The following SLC12A4 variants were observed in gnomAD, a reference collection of about 807,000 sequenced individuals.
The protein encoded by SLC12A4 is solute carrier family 12 member 4, also known as electroneutral potassium-chloride cotransporter 1.
SLC12A4 carries 84 observed loss-of-function variants against 119.2 expected under a neutral mutation model. The ratio of observed to expected loss-of-function variants is 0.70; its 90% CI spans 0.59 to 0.85. SLC12A4 has a LOEUF of 0.85. SLC12A4 is among the 40% of genes least tolerant of loss of function. The pLI is 0.00. For missense variants in SLC12A4, 1,298 were observed against 1,476.3 expected (o/e 0.88, Z 1.98); for synonymous variants, 599 against 604.6 (o/e 0.99, Z 0.14).
At chr16:67,968,418 C>T (rs963820494) in intron 1 of SLC12A4, 21 bp downstream of exon 1, 7 of 1,554,562 alleles carry the variant, frequency 4.5e-6, no homozygotes, top group Non-Finnish European at 5.2e-6. Flanking sequence ...CCCGCCACGG[C>T]CCCTCAGAAC....
In SLC12A4 at chr16:67,967,032, C is replaced by G. The variant is rs530072160; in HGVS notation, c.115+1407G>C. Among the ~76,000 whole-genome samples the G allele has an allele frequency of 3.9e-5, 6 of 152,282 alleles. No homozygotes were observed. In the South Asian group the frequency reaches 1.2e-3, roughly 32 times the overall value. ...TACCCTCTGGGGAGAGAGGTCCTCC[C>G]AGGGTTAGGGAAGCAGGAATGCTGG... On this transcript the variant is annotated intron_variant, in intron 1 of 23. Coordinates refer to ENST00000316341, the MANE Select transcript of SLC12A4 (RefSeq NM_005072.5).
rs2030146037 is a variant in SLC12A4 at position 67,954,651 on chromosome 16, T to C, written c.667A>G (p.Ile223Val). 2.5e-6 allele frequency: 4 copies of C among 1,614,094 alleles called. No individual in the cohort carries two copies. In the African/African-American group the frequency reaches 5.3e-5, roughly 22 times the overall value. Residue 223 changes from isoleucine to valine, a missense_variant, in exon 6 of 24, where the codon ATC (isoleucine) becomes GTC (valine). By Grantham distance (29) the Ile-to-Val change is conservative. Coordinates refer to ENST00000316341, the MANE Select transcript of SLC12A4 (RefSeq NM_005072.5). ...GGCTCAGCCTGACTCACCAGCAAGA[T>C]CTCGATGGCCCCCAGGATGTACATG... ...AAMYILGAIE[I>V]LLTYIAPPAA...
Position 67,968,422 on chromosome 16 carries a change from TC to T in SLC12A4, c.115+16del. 1 of 1,558,000 alleles carries T rather than the reference TC, an allele frequency of 6.4e-7. No homozygotes were observed. The highest frequency in any genetic ancestry group is 1.2e-5 in the South Asian group (1 of 86,808). On this transcript the variant is annotated intron_variant, in intron 1 of 23. Coordinates refer to ENST00000316341, the MANE Select transcript of SLC12A4 (RefSeq NM_005072.5). The stretch of plus-strand genomic sequence containing the variant: ...GGCCCCGCTGCCCCGCCACGGCCCC[TC>T]AGAACGCGCCCTCACCGTCCGAGTC...
Position 67,944,146 on chromosome 16 carries a change from C to T in SLC12A4, c.*694G>A. The T allele has an allele frequency of 6.5e-7, 1 of 1,534,686 alleles. No individual in the cohort carries two copies. Among genetic ancestry groups the T allele is most frequent in the Non-Finnish European group, 8.8e-7 (1 of 1,136,246 alleles). On this transcript the variant is annotated 3_prime_UTR_variant, in exon 24 of 24. Coordinates refer to ENST00000316341, the MANE Select transcript of SLC12A4 (RefSeq NM_005072.5). The surrounding 1 kb of genome is among the most constrained non-coding windows in gnomAD (Gnocchi z 6.6). Reference sequence around the variant, plus strand: ...GCCAGAGAAAGCGGCACTGGGCTGTCCTTATCTGGTGTGGGAGTGGGAGGG... The same window carrying T: ...GCCAGAGAAAGCGGCACTGGGCTGTTCTTATCTGGTGTGGGAGTGGGAGGG...
chr16:67,949,825 C>A lies in SLC12A4; in HGVS notation c.1723G>T (p.Asp575Tyr), dbSNP rs754522205. 1 of 1,610,078 alleles carries A rather than the reference C, an allele frequency of 6.2e-7. No individual in the cohort carries two copies. The highest frequency in any genetic ancestry group is 8.5e-7 in the Non-Finnish European group (1 of 1,178,078). Residue 575 changes from aspartate (D) to tyrosine (Y), a missense_variant, in exon 13 of 24, where the codon GAC (aspartate) becomes TAC (tyrosine). Coordinates refer to ENST00000316341, the MANE Select transcript of SLC12A4 (RefSeq NM_005072.5). This position sits in a 1 kb window ranked among gnomAD's most constrained non-coding sequence, Gnocchi z 4.6. ...AELGILIASL[D>Y]MVAPILSMFF... Reference sequence around the variant, plus strand: ...ATGGATAAGATGGGGGCCACCATGTCGAGGGAGGCGATGAGGATGCCCAGC... The same window carrying A: ...ATGGATAAGATGGGGGCCACCATGTAGAGGGAGGCGATGAGGATGCCCAGC...
chr16:67,954,736 C>T lies in SLC12A4; in HGVS notation c.582G>A (p.Gly194=). Residue 194 remains glycine, a synonymous_variant, in exon 6 of 24, where the codon GGG becomes GGA. Coordinates refer to ENST00000316341, the MANE Select transcript of SLC12A4 (RefSeq NM_005072.5). ...GSYFMISRSL[G]PEFGGAVGLC... The stretch of plus-strand genomic sequence containing the variant: ...GGCCCACAGCACCTCCAAATTCTGG[C>T]CCCAGTGAACGAGAGATCATGAAAT... The T allele has an allele frequency of 6.2e-7, 1 of 1,614,096 alleles. No homozygotes were observed. Among genetic ancestry groups the T allele is most frequent in the Non-Finnish European group, 8.5e-7 (1 of 1,180,010 alleles).
chr16:67,947,161 C>T, intron 16 of SLC12A4, 56 bp from the exon 17 acceptor site: 2 of 1,536,762 alleles, frequency 1.3e-6, no homozygotes, highest in South Asian at 2.4e-5. Flanking sequence ...CTAGGGAGCC[C>T]CTCCTCTTCT....
intron 2 of SLC12A4, chr16:67,962,471 C>A (rs1475350595): frequency 2.6e-5 from 4 of 152,322 alleles, no homozygotes; most frequent in African/African-American, 9.6e-5. Context: ...TCTGTCAGCT[C>A]CTTTCTGACC....
In SLC12A4 at chr16:67,961,610, C is replaced by T. The variant is rs1567426034; in HGVS notation, c.307G>A (p.Glu103Lys). 4.3e-6 allele frequency: 7 copies of T among 1,614,008 alleles called. No individual in the cohort carries two copies. Among genetic ancestry groups the T allele is most frequent in the South Asian group, 2.2e-5 (2 of 91,088 alleles). ...TQGAKEHEEA[E>K]SGEGTRRRAA... is the part of the protein sequence containing the mutation. ...CTCCGGCGGGTGCCCTCCCCACTCTCGGCCTCCTCATGCTCTTTGGCGCCC... is the reference window on the plus strand; with the variant it reads ...CTCCGGCGGGTGCCCTCCCCACTCTTGGCCTCCTCATGCTCTTTGGCGCCC... The change falls in exon 3 of 24, where the codon GAG (glutamate) becomes AAG (lysine). Residue 103 changes from glutamate to lysine, a missense_variant. Coordinates refer to ENST00000316341, the MANE Select transcript of SLC12A4 (RefSeq NM_005072.5).
chr16:67,961,013 C>T (rs941984301), intron 3 of SLC12A4, among the ~76,000 whole-genome samples: 5 of 152,038 alleles, frequency 3.3e-5, no homozygotes, highest in Admixed American at 6.5e-5. Context: ...GCATGACCTC[C>T]GAGAGACAAC....
chr16:67,959,931 G>T (rs1311170805), intron 3 of SLC12A4, among the ~76,000 whole-genome samples: 1 of 152,206 alleles, frequency 6.6e-6, no homozygotes, highest in African/African-American at 2.4e-5. Context: ...CCCTGGGTGA[G>T]GACCACAGCT....
At position 67,968,592 on chromosome 16, in the gene SLC12A4, GCCCGCCGCTGTC is replaced by G. The variant is rs770789419; in HGVS notation, c.-51_-40del. On this transcript the variant is annotated 5_prime_UTR_variant, in exon 1 of 24. Coordinates refer to ENST00000316341, the MANE Select transcript of SLC12A4 (RefSeq NM_005072.5). Reference sequence around the variant, plus strand: ...CCCCGCCGCACCCGCCGTCCCAGCCGCCCGCCGCTGTCCCCGCCGCTGTCCCCGCCGCCCCGG... The same window carrying G: ...CCCCGCCGCACCCGCCGTCCCAGCCGCCCGCCGCTGTCCCCGCCGCCCCGG... The G allele has an allele frequency of 0.02, 29,631 of 1,448,510 alleles. 457 individuals carry two copies. Among genetic ancestry groups the G allele is most frequent in the East Asian group, 0.075 (2,472 of 32,994 alleles). The allele number at this position is 1,448,510 out of a possible 1,614,324, so 89.7% of individuals were successfully genotyped here. A position where few individuals can be genotyped will look rare whatever the true frequency, so the allele number is the denominator to read the frequency against.
intron 5 of SLC12A4, among the ~76,000 whole-genome samples, chr16:67,955,097 G>A (rs1448488680): frequency 6.6e-6 from 1 of 152,192 alleles, no homozygotes; most frequent in Admixed American, 6.5e-5. Context: ...CCTCTGGCTG[G>A]GTGTGTCCTA....
rs538275518 is a variant in SLC12A4 at position 67,948,163 on chromosome 16, C to T, written c.1749-4G>A. 9.9e-6 allele frequency: 16 copies of T among 1,612,990 alleles called. No homozygotes were observed. Among genetic ancestry groups the T allele is most frequent in the African/African-American group, 5.3e-5 (4 of 75,068 alleles). On this transcript the variant is annotated splice_polypyrimidine_tract_variant and splice_region_variant and intron_variant, in intron 13 of 23. Coordinates refer to ENST00000316341, the MANE Select transcript of SLC12A4 (RefSeq NM_005072.5). ...CAGGTAGCACATCAGAAAGAACCTG[C>T]GGCACAGAGGGCGGTTGGCGAAGAG...
chr16:67,964,676 G>C (rs2030780718), intron 1 of SLC12A4, among the ~76,000 whole-genome samples: 1 of 152,184 alleles, frequency 6.6e-6, no homozygotes, highest in Non-Finnish European at 1.5e-5. Context: ...TGATGGAGAT[G>C]GCAACAGAAC....
intron 5 of SLC12A4, among the ~76,000 whole-genome samples, chr16:67,955,698 C>T (rs565165842): frequency 6.6e-6 from 1 of 151,908 alleles, no homozygotes; most frequent in Non-Finnish European, 1.5e-5. Flanking sequence ...CTGGGCAACA[C>T]GATGAAACCC....
chr16:67,945,340 G>T, intron 22 of SLC12A4, 29 bp downstream of exon 22: 1 of 1,597,460 alleles, frequency 6.3e-7, no homozygotes. Context: ...AGATTCCAGT[G>T]CCGCTGGGGC....
chr16:67,950,106 C>A lies in SLC12A4; in HGVS notation c.1630-188G>T. ...CCAGGCCTCTCTCCTTTGGATGAGC[C>A]CTAAACAGGCCATGAAGATTCTGGG... On this transcript the variant is annotated intron_variant, in intron 12 of 23. Transcript: ENST00000316341. The surrounding 1 kb of genome is among the most constrained non-coding windows in gnomAD (Gnocchi z 4.3). The A allele has an allele frequency of 1.5e-6, 1 of 680,606 alleles. No homozygotes were observed. The highest frequency in any genetic ancestry group is 2.5e-6 in the Non-Finnish European group (1 of 405,032). 42.2% of individuals were successfully genotyped at this position (680,606 alleles called of 1,614,324 possible).
rs2058409356 is a variant in SLC12A4, at chr16:67,951,047, G to A, written c.1311C>T (p.Gly437=). The A allele has an allele frequency of 6.2e-7, 1 of 1,613,864 alleles. No homozygotes were observed. The highest frequency in any genetic ancestry group is 1.3e-5 in the African/African-American group (1 of 74,928). Residue 437 remains glycine, a synonymous_variant, in exon 10 of 24, where the codon GGC becomes GGT. Transcript: ENST00000316341. This position sits in a 1 kb window ranked among gnomAD's most constrained non-coding sequence, Gnocchi z 5.2. ...CACGAAGGTCCCCAGAGCGGTTTGA[G>A]CCAGCCATGATGCCTCCAAAAACAG... is the stretch of plus-strand genomic sequence containing the variant. ...FFPSVTGIMA[G]SNRSGDLRDA... is the part of the protein sequence containing the mutation.
Sources: gnomAD v4.1 joint callset for allele counts (sites outside exome capture counted in the v4.1 genomes callset) on GRCh38, gnomAD v4.1.1 for gene constraint, Gnocchi (gnomAD v3.1) non-coding constraint, MANE v1.5 for transcripts, NCBI Gene and HGNC (gene_info 2026-07-23, HGNC 2026-07-21) for gene names.